Variants in FSTL5 observed in about 807,000 individuals in gnomAD.
FSTL5 encodes the protein follistatin-related protein 5.
A neutral mutation model predicts 89.1 loss-of-function variants in FSTL5; 62 were observed. That is an observed-to-expected ratio of 0.70 (90% CI 0.57 to 0.86). The LOEUF is 0.86. Among genes scored for constraint, FSTL5 ranks in the 40% least tolerant of loss-of-function variants. The probability of loss-of-function intolerance (pLI) is 0.00; values close to 1 mark genes in which losing one functional copy is unlikely to be tolerated. For missense variants in FSTL5, 1,057 were observed against 1,001.6 expected (o/e 1.06, Z -0.75); for synonymous variants, 383 against 346.2 (o/e 1.11, Z -1.18).
At chr4:161,734,845 C>T (rs1248862727) in intron 6 of FSTL5, among the ~76,000 whole-genome samples, 9 of 151,738 alleles carry the variant, frequency 5.9e-5, no homozygotes, top group African/African-American at 9.7e-5. Flanking sequence ...AATTCATTTC[C>T]GACAATTCCT....
chr4:161,698,271 A>ATGTT (rs1465246874), intron 6 of FSTL5, among the ~76,000 whole-genome samples: 3 of 152,170 alleles, frequency 2.0e-5, no homozygotes, highest in Non-Finnish European at 4.4e-5. Context: ...TGAGAAATAA[A>ATGTT]TGTTTGTTGT....
At chr4:162,033,749 G>C in intron 2 of FSTL5, 91 bp from the exon 3 acceptor site, 1 of 685,682 alleles carries the variant, frequency 1.5e-6, no homozygotes, top group Non-Finnish European at 2.4e-6. Flanking sequence ...GTATCAAAAT[G>C]ATTTTTGTAC....
At chr4:161,940,825 A>G (rs1734560845) in intron 3 of FSTL5, among the ~76,000 whole-genome samples, 1 of 135,370 alleles carries the variant, frequency 7.4e-6, no homozygotes, top group Non-Finnish European at 1.7e-5. Context: ...TGAAAAAAAC[A>G]AAACAAAACA....
At chr4:162,125,523 T>A (rs575921494) in intron 1 of FSTL5, among the ~76,000 whole-genome samples, 1 of 152,240 alleles carries the variant, frequency 6.6e-6, no homozygotes, top group South Asian at 2.1e-4. Flanking sequence ...GTTTTTAAGT[T>A]CTCTATTTGT....
intron 3 of FSTL5, among the ~76,000 whole-genome samples, chr4:162,027,466 ATTATC>A (rs1469583724): frequency 3.9e-5 from 6 of 152,106 alleles, no homozygotes; most frequent in Middle Eastern, 3.2e-3. Flanking sequence ...AGTACCAATT[ATTATC>A]TTATATATAT....
chr4:161,711,314 A>G (rs1190600320), intron 6 of FSTL5, among the ~76,000 whole-genome samples: 1 of 152,098 alleles, frequency 6.6e-6, no homozygotes, highest in Non-Finnish European at 1.5e-5. Context: ...AGCTACTAAT[A>G]GAAGGAAGTG....
intron 6 of FSTL5, among the ~76,000 whole-genome samples, chr4:161,683,708 A>G (rs1429265625): frequency 6.6e-6 from 1 of 152,190 alleles, no homozygotes; most frequent in Non-Finnish European, 1.5e-5. Flanking sequence ...AACTTACATG[A>G]GTAAAATTTT....
chr4:161,558,402 T>C (rs1732468890), intron 8 of FSTL5, among the ~76,000 whole-genome samples: 1 of 151,860 alleles, frequency 6.6e-6, no homozygotes, highest in Non-Finnish European at 1.5e-5. Flanking sequence ...TAAAACTGCA[T>C]AAGAATTTAC....
chr4:161,428,209 G>A (rs780479473), intron 15 of FSTL5, among the ~76,000 whole-genome samples: 2 of 152,102 alleles, frequency 1.3e-5, no homozygotes, highest in South Asian at 2.1e-4. Flanking sequence ...CCATCCCAGG[G>A]GTCAGAACTT....
Position 161,656,344 on chromosome 4 carries a change from T to C in FSTL5, c.878A>G (p.Asp293Gly), listed in dbSNP as rs143360212. 4 of 1,574,418 alleles carry C rather than the reference T, an allele frequency of 2.5e-6. No individual in the cohort carries two copies. The highest frequency in any genetic ancestry group is 3.5e-6 in the Non-Finnish European group (4 of 1,154,084). Residue 293 changes from aspartate (D) to glycine (G), a missense_variant, in exon 7 of 16, where the codon GAT becomes GGT. By Grantham distance (94) the Asp-to-Gly change is moderately conservative. Transcript: ENST00000306100. ...KRNNIILNNL[D>G]LEDINDFGDD... ...TGTACTCACATTGATGTCTTCCAAA[T>C]CTAAATTATTTAGAATAATATTGTT...
chr4:161,434,644 T>C (rs2126349508), intron 15 of FSTL5, among the ~76,000 whole-genome samples: 1 of 152,148 alleles, frequency 6.6e-6, no homozygotes, highest in South Asian at 2.1e-4. Flanking sequence ...ATGTATTGAA[T>C]GGGAGAAATA....
intron 1 of FSTL5, among the ~76,000 whole-genome samples, chr4:162,137,717 C>T (rs995547255): frequency 1.3e-5 from 2 of 152,138 alleles, no homozygotes; most frequent in African/African-American, 4.8e-5. Context: ...AAAGGTTTAT[C>T]CTGTCTACCA....
At chr4:161,937,335 G>A (rs776064528) in intron 3 of FSTL5, among the ~76,000 whole-genome samples, 1 of 151,950 alleles carries the variant, frequency 6.6e-6, no homozygotes, top group Non-Finnish European at 1.5e-5. Flanking sequence ...CAGATGGAGA[G>A]GGAAGGAAAA....
chr4:161,399,251 A>G (rs1349469964), intron 15 of FSTL5, among the ~76,000 whole-genome samples: 1 of 152,082 alleles, frequency 6.6e-6, no homozygotes, highest in African/African-American at 2.4e-5. Flanking sequence ...CCTGCTCATA[A>G]CTTTTCACTC....
intron 6 of FSTL5, among the ~76,000 whole-genome samples, chr4:161,750,236 G>A (rs1223634835): frequency 6.6e-6 from 1 of 152,110 alleles, no homozygotes; most frequent in Non-Finnish European, 1.5e-5. Flanking sequence ...ATTTTAGATA[G>A]AGAAGTCATT....
chr4:161,981,387 TG>T (rs535263773), intron 3 of FSTL5, among the ~76,000 whole-genome samples: 5 of 152,198 alleles, frequency 3.3e-5, no homozygotes, highest in Non-Finnish European at 7.3e-5. Context: ...AGCAGAGTAA[TG>T]AAAAGACTTC....
At chr4:161,646,825 G>A (rs1332429871) in intron 7 of FSTL5, among the ~76,000 whole-genome samples, 1 of 152,178 alleles carries the variant, frequency 6.6e-6, no homozygotes, top group African/African-American at 2.4e-5. Flanking sequence ...TTTTAATCAG[G>A]TTACTATTGT....
chr4:161,530,060 G>GAAGT (rs144375858), intron 10 of FSTL5, among the ~76,000 whole-genome samples: 4,414 of 142,846 alleles, frequency 0.031, 593 homozygotes, highest in African/African-American at 0.1. Context: ...CCTGCCTTTT[G>GAAGT]AAGTATTTCC....
intron 4 of FSTL5, among the ~76,000 whole-genome samples, chr4:161,801,236 A>G (rs965918279): frequency 4.6e-5 from 7 of 151,602 alleles, no homozygotes; most frequent in African/African-American, 1.7e-4. Flanking sequence ...AATAGTACAA[A>G]ACTGCATATT....
Sources: allele counts gnomAD v4.1 joint callset (sites outside exome capture counted in the v4.1 genomes callset), GRCh38; gene constraint gnomAD v4.1.1; transcripts MANE v1.5; gene names NCBI Gene and HGNC (gene_info 2026-07-23, HGNC 2026-07-21).